Variants in SLC44A3 observed in about 807,000 individuals in gnomAD.
SLC44A3 encodes the protein choline transporter-like protein 3.
A neutral mutation model predicts 75.4 loss-of-function variants in SLC44A3; 74 were observed. That is an observed-to-expected ratio of 0.98 (90% CI 0.81 to 1.19). The LOEUF is 1.19. Among genes scored for constraint, SLC44A3 ranks in the 50% most tolerant of loss-of-function variants. The pLI is 0.00. For missense variants in SLC44A3, 700 were observed against 778.6 expected (o/e 0.90, Z 1.20); for synonymous variants, 310 against 296.9 (o/e 1.04, Z -0.45).
At chr1:94,891,074 G>A (rs1279765107) in intron 12 of SLC44A3, 56 bp from the exon 13 acceptor site, 1 of 1,495,892 alleles carries the variant, frequency 6.7e-7, no homozygotes, top group Non-Finnish European at 9.1e-7. Flanking sequence ...TTAATATATT[G>A]CCTTAAAAAC....
Position 94,894,880 on chromosome 1 carries a change from A to G in SLC44A3, c.1920A>G (p.Leu640=). Residue 640 remains leucine, a synonymous_variant, in exon 15 of 15, where the codon TTA becomes TTG. Coordinates refer to ENST00000271227, the MANE Select transcript of SLC44A3 (RefSeq NM_001114106.3). ...NARAQQDKHS[L]RNEEGTELQA... ...GGGCACAGCAGGACAAGCACTCATT[A>G]AGGAATGAGGAGGGAACAGAACTCC... The G allele has an allele frequency of 1.2e-6, 2 of 1,612,488 alleles. No individual in the cohort carries two copies. Among genetic ancestry groups the G allele is most frequent in the Non-Finnish European group, 1.7e-6 (2 of 1,178,942 alleles).
Position 94,859,119 on chromosome 1 carries a change from A to G in SLC44A3, c.1238+1619A>G, listed in dbSNP as rs183003599. ...AAGCAGCCGGGGGTGGGTTGTGTGTATTGCTTCCTCCCAGGTAGGGGAGCA... is the reference window on the plus strand; with the variant it reads ...AAGCAGCCGGGGGTGGGTTGTGTGTGTTGCTTCCTCCCAGGTAGGGGAGCA... On this transcript the variant is annotated intron_variant, in intron 10 of 14. Coordinates refer to ENST00000271227, the MANE Select transcript of SLC44A3 (RefSeq NM_001114106.3). 1.2e-3 allele frequency among the ~76,000 whole-genome samples: 177 copies of G among 152,260 alleles called. 1 individual carries two copies. The highest frequency in any genetic ancestry group is 3.7e-3 in the African/African-American group (154 of 41,556).
At chr1:94,827,998 A>G (rs530349269) in intron 4 of SLC44A3, among the ~76,000 whole-genome samples, 1 of 152,202 alleles carries the variant, frequency 6.6e-6, no homozygotes, top group South Asian at 2.1e-4. Flanking sequence ...GGTCCTAGAG[A>G]TGTACGTGCA....
chr1:94,864,852 A>C lies in SLC44A3; in HGVS notation c.1348A>C (p.Ile450Leu). 6.2e-7 allele frequency: 1 copy of C among 1,614,030 alleles called. No individual in the cohort carries two copies. Among genetic ancestry groups the C allele is most frequent in the Non-Finnish European group, 8.5e-7 (1 of 1,179,952 alleles). Reference sequence around the variant, plus strand: ...GTCATTTTTAATCTCTGTGGTGAGGATTCCGAGAATCATTGTCATGTACAT... The same window carrying C: ...GTCATTTTTAATCTCTGTGGTGAGGCTTCCGAGAATCATTGTCATGTACAT... The part of the protein sequence containing the change: ...KGSFLISVVR[I>L]PRIIVMYMQN... The change falls in exon 11 of 15, where the codon ATT (isoleucine) becomes CTT (leucine). Residue 450 changes from isoleucine to leucine, a missense_variant. Ile to Leu is a conservative substitution (Grantham distance 5). Transcript: ENST00000271227.
chr1:94,864,900 G>A lies in SLC44A3; in HGVS notation c.1395+1G>A, dbSNP rs758463070. 1.9e-6 allele frequency: 3 copies of A among 1,613,272 alleles called. No homozygotes were observed. In the South Asian group the frequency reaches 3.3e-5, roughly 18 times the overall value. Reference sequence around the variant, plus strand: ...CATGCAAAACGCACTGAAAGAACAGGTAAGGCTACCTCCTGATACACAGCA... The same window carrying A: ...CATGCAAAACGCACTGAAAGAACAGATAAGGCTACCTCCTGATACACAGCA... On this transcript the variant is annotated splice_donor_variant, in intron 11 of 14. Transcript: ENST00000271227. LOFTEE classifies it high-confidence loss of function.
At chr1:94,852,869 A>G (rs74864717) in intron 9 of SLC44A3, among the ~76,000 whole-genome samples, 2,617 of 152,270 alleles carry the variant, frequency 0.017, 94 homozygotes, top group African/African-American at 0.06. Flanking sequence ...CAAGAATTTG[A>G]GTATAGCATT....
chr1:94,844,708 G>A (rs564161923), intron 8 of SLC44A3, among the ~76,000 whole-genome samples: 1 of 152,286 alleles, frequency 6.6e-6, no homozygotes, highest in African/African-American at 2.4e-5. Context: ...GAATGAGTTG[G>A]GGTATGGAAA....
chr1:94,885,230 A>AAAAG (rs1383361408), intron 12 of SLC44A3, among the ~76,000 whole-genome samples: 4 of 151,044 alleles, frequency 2.6e-5, no homozygotes, highest in Non-Finnish European at 4.4e-5. Flanking sequence ...CTCTCAAAAA[A>AAAAG]AAAAAAAAAA....
intron 7 of SLC44A3, among the ~76,000 whole-genome samples, chr1:94,840,249 T>G (rs894855998): frequency 1.3e-5 from 2 of 151,758 alleles, no homozygotes; most frequent in Non-Finnish European, 2.9e-5. Context: ...CCAATCTTTT[T>G]TTTCTTCTTT....
chr1:94,839,513 C>T (rs1329302690), intron 6 of SLC44A3, among the ~76,000 whole-genome samples: 4 of 152,020 alleles, frequency 2.6e-5, no homozygotes, highest in African/African-American at 4.8e-5. Flanking sequence ...CTCAGCCTCC[C>T]GAGTAGCTGG....
rs12039267 is a variant in SLC44A3 at position 94,875,581 on chromosome 1, A to G, written c.1482+8164A>G. ...ATGTCTACATGAGCTGCCCTGGGGT[A>G]CCTTTTGGCAGAAATCTATGTAAAT... On this transcript the variant is annotated intron_variant, in intron 12 of 14. Coordinates refer to ENST00000271227, the MANE Select transcript of SLC44A3 (RefSeq NM_001114106.3). Among the ~76,000 whole-genome samples the G allele has an allele frequency of 1.9e-3, 289 of 152,204 alleles. 5 individuals carry two copies. The East Asian group carries it at 0.024, about 13-fold the overall frequency.
rs183651933 is a variant in SLC44A3, at chr1:94,891,092, A to G, written c.1483-38A>G. Reference sequence around the variant, plus strand: ...ATATATTGCCTTAAAAACAATTGTTATAAGAATTATCTTTTAAACAATTCT... The same window carrying G: ...ATATATTGCCTTAAAAACAATTGTTGTAAGAATTATCTTTTAAACAATTCT... On this transcript the variant is annotated intron_variant, in intron 12 of 14. Coordinates refer to ENST00000271227, the MANE Select transcript of SLC44A3 (RefSeq NM_001114106.3). 56 of 1,554,244 alleles carry G rather than the reference A, an allele frequency of 3.6e-5. No homozygotes were observed. In the African/African-American group the frequency reaches 6.3e-4, roughly 18 times the overall value.
chr1:94,849,112 C>T (rs1448966265), intron 9 of SLC44A3, among the ~76,000 whole-genome samples: 1 of 152,100 alleles, frequency 6.6e-6, no homozygotes. Context: ...TTAGTAGCCT[C>T]CACTGCAAGA....
intron 5 of SLC44A3, among the ~76,000 whole-genome samples, chr1:94,837,125 A>G (rs1399378070): frequency 1.3e-5 from 2 of 152,164 alleles, no homozygotes; most frequent in East Asian, 3.9e-4. Context: ...GAATCTAAAA[A>G]AGTCAAATTC....
intron 3 of SLC44A3, 177 bp from the exon 4 acceptor site, chr1:94,827,330 A>G (rs986106285): frequency 2.8e-6 from 2 of 720,978 alleles, no homozygotes; most frequent in Non-Finnish European, 4.5e-6. Context: ...CAAGCTGCAC[A>G]GCTTCATGGA....
chr1:94,836,141 T>A (rs1328978262), intron 5 of SLC44A3, among the ~76,000 whole-genome samples: 2 of 152,242 alleles, frequency 1.3e-5, no homozygotes, highest in African/African-American at 4.8e-5. Context: ...GATTCTCCTT[T>A]GTTTCATTCT....
chr1:94,867,222 G>A (rs1667264311), intron 11 of SLC44A3, 109 bp from the exon 12 acceptor site: 3 of 840,734 alleles, frequency 3.6e-6, no homozygotes, highest in Admixed American at 5.7e-5. Context: ...CACGCCACCA[G>A]TGTTTCCCCA....
At chr1:94,852,514 A>C (rs898129183) in intron 9 of SLC44A3, among the ~76,000 whole-genome samples, 1 of 152,190 alleles carries the variant, frequency 6.6e-6, no homozygotes, top group Non-Finnish European at 1.5e-5. Context: ...AGCTTGGTTC[A>C]GAGGGGAGTC....
intron 12 of SLC44A3, among the ~76,000 whole-genome samples, chr1:94,881,856 C>CAAAA (rs11435512): frequency 2.2e-5 from 3 of 138,956 alleles, no homozygotes; most frequent in African/African-American, 5.4e-5. Flanking sequence ...ACTAAAAATA[C>CAAAA]AAAAAAAAAA....
Sources: allele counts gnomAD v4.1 joint callset (sites outside exome capture counted in the v4.1 genomes callset), GRCh38; gene constraint gnomAD v4.1.1; transcripts MANE v1.5; gene names NCBI Gene and HGNC (gene_info 2026-07-23, HGNC 2026-07-21).